The following PCDH15 variants were observed in gnomAD, a reference collection of about 807,000 sequenced individuals.
PCDH15 encodes the protein protocadherin related 15, also known as protocadherin-15.
PCDH15 carries 129 observed loss-of-function variants against 178.5 expected under a neutral mutation model. The observed-to-expected ratio is 0.72, with a 90% confidence interval of 0.63 to 0.84. The LOEUF is 0.84. Ranked by LOEUF, PCDH15 falls within the 40% of genes least tolerant of loss-of-function variation. The pLI, the probability that PCDH15 is intolerant of heterozygous loss-of-function variation, is 0.00. For missense variants in PCDH15, 2,230 were observed against 2,099.9 expected (o/e 1.06, Z -1.21); for synonymous variants, 800 against 732.0 (o/e 1.09, Z -1.50).
chr10:54,911,250 G>C (rs1054662582), intron 2 of PCDH15, among the ~76,000 whole-genome samples: 3 of 152,060 alleles, frequency 2.0e-5, no homozygotes, highest in African/African-American at 7.2e-5. Context: ...TTCTTACTAG[G>C]ATTACTTTGC....
At chr10:54,796,998 C>T (rs1489814462) in intron 1 of PCDH15, among the ~76,000 whole-genome samples, 5 of 152,002 alleles carry the variant, frequency 3.3e-5, no homozygotes, top group Admixed American at 6.6e-5. Context: ...CTCATTCTGA[C>T]ACCTCCATGA....
chr10:54,823,747 G>T (rs1271996412), intron 3 of PCDH15, among the ~76,000 whole-genome samples: 5 of 151,878 alleles, frequency 3.3e-5, no homozygotes, highest in African/African-American at 9.7e-5. Flanking sequence ...TGCAATGAAG[G>T]CTTACTCCAG....
At chr10:55,524,679 T>C (rs1271605696) in intron 2 of PCDH15, among the ~76,000 whole-genome samples, 1 of 151,578 alleles carries the variant, frequency 6.6e-6, no homozygotes, top group East Asian at 1.9e-4. Flanking sequence ...AAATATTGCA[T>C]GTATTTGTTT....
intron 1 of PCDH15, among the ~76,000 whole-genome samples, chr10:54,746,025 CATAAATA>C (rs1231169278): frequency 6.6e-6 from 1 of 152,144 alleles, no homozygotes; most frequent in Non-Finnish European, 1.5e-5. Context: ...ATCCTTCATT[CATAAATA>C]ATTCTTATTT....
In PCDH15 at chr10:54,166,922, C is replaced by T. The variant is rs140941701; in HGVS notation, c.1591-13629G>A. ...AAAAGCACCTCCACTGAGCACCTTGCGAACCCCACTCCTGCCCGCCAGAGA... is the reference window on the plus strand; with the variant it reads ...AAAAGCACCTCCACTGAGCACCTTGTGAACCCCACTCCTGCCCGCCAGAGA... On this transcript the variant is annotated intron_variant, in intron 13 of 37. Coordinates refer to ENST00000644397, the MANE Select transcript of PCDH15 (RefSeq NM_001384140.1). Among the ~76,000 whole-genome samples the T allele has an allele frequency of 3.7e-3, 568 of 152,300 alleles. 5 individuals carry two copies. The highest frequency in any genetic ancestry group is 0.02 in the Middle Eastern group (6 of 294).
intron 3 of PCDH15, among the ~76,000 whole-genome samples, chr10:54,409,052 T>A (rs1297404945): frequency 6.6e-6 from 1 of 152,176 alleles, no homozygotes; most frequent in African/African-American, 2.4e-5. Flanking sequence ...AGTGAATAAG[T>A]CTCATGAGCT....
intron 28 of PCDH15, 95 bp downstream of exon 28, chr10:53,857,080 A>AC: frequency 1.1e-6 from 1 of 895,504 alleles, no homozygotes; most frequent in East Asian, 2.7e-5. Context: ...ACACACCTGC[A>AC]CATGTATCCC....
upstream of PCDH15, among the ~76,000 whole-genome samples, chr10:54,803,251 C>A (rs905235292): frequency 6.6e-6 from 1 of 152,168 alleles, no homozygotes; most frequent in Non-Finnish European, 1.5e-5. Context: ...CTTCTATAAA[C>A]ACATATAGGT....
intron 2 of PCDH15, among the ~76,000 whole-genome samples, chr10:54,584,674 C>T (rs1444188839): frequency 1.3e-5 from 2 of 151,720 alleles, no homozygotes; most frequent in Non-Finnish European, 2.9e-5. Flanking sequence ...CTATGATATC[C>T]TCCTTGTAAT....
chr10:53,874,815 G>A (rs1332800699), intron 26 of PCDH15, among the ~76,000 whole-genome samples: 3 of 152,088 alleles, frequency 2.0e-5, no homozygotes, highest in African/African-American at 7.2e-5. Flanking sequence ...AGCAAATATG[G>A]TTAATACATT....
intron 1 of PCDH15, among the ~76,000 whole-genome samples, chr10:54,763,847 G>T (rs1948197779): frequency 6.7e-6 from 1 of 149,712 alleles, no homozygotes; most frequent in Admixed American, 6.7e-5. Context: ...TTAACAAATA[G>T]AACAAGAAAA....
intron 1 of PCDH15, among the ~76,000 whole-genome samples, chr10:54,782,716 T>C (rs1242786609): frequency 6.6e-6 from 1 of 151,986 alleles, no homozygotes; most frequent in Non-Finnish European, 1.5e-5. Flanking sequence ...CCCACCAAGC[T>C]TGCTACCACT....
intron 2 of PCDH15, among the ~76,000 whole-genome samples, chr10:55,472,845 G>A (rs1376229480): frequency 6.6e-6 from 1 of 152,224 alleles, no homozygotes. Context: ...TGGGATTACA[G>A]GCGTGAGCCA....
chr10:54,042,467 T>C (rs1159930331), intron 18 of PCDH15, among the ~76,000 whole-genome samples: 1 of 152,096 alleles, frequency 6.6e-6, no homozygotes, highest in Non-Finnish European at 1.5e-5. Context: ...GGGTACTCAG[T>C]GAAGTCATCC....
At chr10:54,733,970 T>C (rs1358359276) in intron 1 of PCDH15, among the ~76,000 whole-genome samples, 5 of 149,324 alleles carry the variant, frequency 3.3e-5, no homozygotes, top group Non-Finnish European at 6.0e-5. Flanking sequence ...TAATATAGAA[T>C]GTAAAATGTT....
At chr10:55,505,164 C>T (rs1840734762) in intron 2 of PCDH15, among the ~76,000 whole-genome samples, 1 of 151,228 alleles carries the variant, frequency 6.6e-6, no homozygotes, top group Non-Finnish European at 1.5e-5. Flanking sequence ...ATACAAAAAT[C>T]TATACTGCAG....
intron 2 of PCDH15, among the ~76,000 whole-genome samples, chr10:55,336,456 C>T (rs1052884866): frequency 6.6e-6 from 1 of 152,098 alleles, no homozygotes; most frequent in Non-Finnish European, 1.5e-5. Flanking sequence ...CAAGGTCACA[C>T]CACTGCACTC....
intron 8 of PCDH15, among the ~76,000 whole-genome samples, chr10:54,282,518 G>A (rs181203449): frequency 1.3e-5 from 2 of 152,088 alleles, no homozygotes; most frequent in Admixed American, 1.3e-4. Context: ...TCCTGCTTAG[G>A]TATTATTCAA....
At chr10:54,035,360 T>G (rs2093392231) in intron 18 of PCDH15, among the ~76,000 whole-genome samples, 3 of 152,078 alleles carry the variant, frequency 2.0e-5, no homozygotes, top group Admixed American at 2.0e-4. Context: ...GTGTGCTCAT[T>G]TCATGTCTCT....
Sources: gnomAD v4.1 joint callset for allele counts (sites outside exome capture counted in the v4.1 genomes callset) on GRCh38, gnomAD v4.1.1 for gene constraint, MANE v1.5 for transcripts, NCBI Gene and HGNC (gene_info 2026-07-23, HGNC 2026-07-21) for gene names.